Variants in DMXL2 observed in about 807,000 individuals in gnomAD.
DMXL2 encodes Dmx like 2.
In DMXL2, 103 loss-of-function variants were observed where a neutral mutation model predicts 331.1. That is an observed-to-expected ratio of 0.31 (90% confidence interval 0.27 to 0.37). The LOEUF is 0.37. Ranked by LOEUF, DMXL2 falls within the 10% of genes least tolerant of loss-of-function variation. The pLI, the probability that DMXL2 is intolerant of heterozygous loss-of-function variation, is 1.00. For missense variants in DMXL2, 3,171 were observed against 3,642.9 expected (o/e 0.87, Z 3.33); for synonymous variants, 1,281 against 1,252.1 (o/e 1.02, Z -0.49).
chr15:51,458,879 G>T, intron 34 of DMXL2, 84 bp from the exon 35 acceptor site: 2 of 1,168,616 alleles, frequency 1.7e-6, no homozygotes, highest in Non-Finnish European at 2.5e-6. Flanking sequence ...TTAAATGTAG[G>T]ATAAGAAGAA....
At chr15:51,568,202 A>C in intron 3 of DMXL2, 1 of 273,086 alleles carries the variant, frequency 3.7e-6, no homozygotes, top group African/African-American at 2.2e-5. Context: ...GATATCAGAT[A>C]GATATTAGTA....
chr15:51,459,142 C>T (rs1237307047), intron 34 of DMXL2: 2 of 222,898 alleles, frequency 9.0e-6, no homozygotes, highest in East Asian at 2.0e-4. Flanking sequence ...AATGTGTATA[C>T]ATTAAGAGGC....
chr15:51,453,515 T>C (rs2039345850), intron 41 of DMXL2, 35 bp downstream of exon 41: 2 of 1,513,166 alleles, frequency 1.3e-6, no homozygotes, highest in Non-Finnish European at 9.0e-7. Flanking sequence ...TTCTAACGTT[T>C]TTATATTTCT....
intron 29 of DMXL2, 86 bp downstream of exon 29, chr15:51,471,137 C>T: frequency 5.5e-6 from 7 of 1,268,642 alleles, no homozygotes; most frequent in Non-Finnish European, 7.6e-6. Context: ...AAAAGCTACC[C>T]CATCATTCCT....
chr15:51,458,241 G>C (rs911314356), intron 36 of DMXL2, among the ~76,000 whole-genome samples: 12 of 152,188 alleles, frequency 7.9e-5, no homozygotes, highest in Admixed American at 7.9e-4. Flanking sequence ...ATCCAGATCA[G>C]ATTAATTTAC....
intron 42 of DMXL2, among the ~76,000 whole-genome samples, 162 bp downstream of exon 42, chr15:51,451,483 A>C (rs2141183083): frequency 6.6e-6 from 1 of 152,316 alleles, no homozygotes; most frequent in Non-Finnish European, 1.5e-5. Context: ...CAGATATGCT[A>C]ATTAACTTTC....
intron 8 of DMXL2, among the ~76,000 whole-genome samples, chr15:51,543,686 T>A (rs1178775004): frequency 6.6e-6 from 1 of 152,194 alleles, no homozygotes; most frequent in East Asian, 1.9e-4. Context: ...AAGGATAGGA[T>A]GTCAGAAAGC....
chr15:51,479,228 T>C (rs555580570), intron 25 of DMXL2, among the ~76,000 whole-genome samples: 24 of 152,290 alleles, frequency 1.6e-4, no homozygotes, highest in African/African-American at 5.5e-4. Flanking sequence ...TTTAGAAGAA[T>C]GTGCTGCCAG....
intron 6 of DMXL2, among the ~76,000 whole-genome samples, chr15:51,554,051 G>A (rs1415462877): frequency 6.6e-6 from 1 of 152,140 alleles, no homozygotes; most frequent in Non-Finnish European, 1.5e-5. Flanking sequence ...TGCCATTAAC[G>A]ATATTTAAAA....
chr15:51,456,466 C>G (rs2039633975), intron 37 of DMXL2, 97 bp from the exon 38 acceptor site: 5 of 761,936 alleles, frequency 6.6e-6, no homozygotes, highest in South Asian at 5.8e-5. Flanking sequence ...TCTCTTACAC[C>G]TTGCTTATTA....
Position 51,450,153 on chromosome 15 carries a change from T to C in DMXL2, c.8943A>G (p.Thr2981=). The C allele has an allele frequency of 6.2e-7, 1 of 1,614,006 alleles. No homozygotes were observed. Among genetic ancestry groups the C allele is most frequent in the Non-Finnish European group, 8.5e-7 (1 of 1,179,968 alleles). Residue 2981 remains threonine, a synonymous_variant, in exon 43 of 44, where the codon ACA becomes ACG. Coordinates refer to ENST00000560891, the MANE Select transcript of DMXL2 (RefSeq NM_001378457.1). ...ALDPYEEYFT[T]GSAEGNIKVW... ...CCTTTATGTTACCTTCTGCTGAACC[T>C]GTGGTAAAATATTCCTCATAGGGAT...
intron 1 of DMXL2, among the ~76,000 whole-genome samples, chr15:51,597,355 A>G (rs1025377248): frequency 6.6e-6 from 1 of 152,132 alleles, no homozygotes; most frequent in African/African-American, 2.4e-5. Flanking sequence ...GTAGTTTTTC[A>G]ACCTCTGTAT....
chr15:51,557,087 C>G (rs537545445), intron 6 of DMXL2, among the ~76,000 whole-genome samples: 1 of 151,466 alleles, frequency 6.6e-6, no homozygotes, highest in East Asian at 1.9e-4. Flanking sequence ...GGGAGAGTTA[C>G]AAAAGATGAA....
rs1234517463 is a variant in DMXL2 at position 51,447,964 on chromosome 15, T to C, written c.*1020A>G. ...GGTAAACATTTAAACACACAGACAT[T>C]AGTTTCAGTATCTCAACATATTTTT... On this transcript the variant is annotated 3_prime_UTR_variant, in exon 44 of 44. Transcript: ENST00000560891. 6.5e-6 allele frequency: 1 copy of C among 152,672 alleles called. No individual in the cohort carries two copies. The highest frequency in any genetic ancestry group is 1.9e-4 in the East Asian group (1 of 5,204). The allele number at this position is 152,672 out of a possible 1,614,324, so 9.5% of individuals were successfully genotyped here.
At chr15:51,556,906 A>G (rs530295915) in intron 6 of DMXL2, among the ~76,000 whole-genome samples, 57 of 152,348 alleles carry the variant, frequency 3.7e-4, no homozygotes, top group Admixed American at 9.8e-4. Flanking sequence ...AAAAAAAAGT[A>G]TCTACCACAA....
chr15:51,610,275 CA>C (rs1372142176), intron 1 of DMXL2, among the ~76,000 whole-genome samples: 2 of 151,772 alleles, frequency 1.3e-5, no homozygotes, highest in African/African-American at 4.8e-5. Flanking sequence ...ATAAATAAAA[CA>C]AAATTAACAA....
In DMXL2 at chr15:51,493,101, G is replaced by A. The variant is rs1037298448; in HGVS notation, c.4784-1354C>T. On this transcript the variant is annotated intron_variant, in intron 19 of 43. Transcript: ENST00000560891. ...GTCTTGGCTGCCACTATAAATTTAG[G>A]GGAAAACACCAGAAAAAATTAATAA... Among the ~76,000 whole-genome samples the A allele has an allele frequency of 2.6e-5, 4 of 151,954 alleles. No individual in the cohort carries two copies. In the South Asian group the frequency reaches 8.3e-4, roughly 32 times the overall value.
chr15:51,450,319 G>A lies in DMXL2; in HGVS notation c.8777C>T (p.Thr2926Met), dbSNP rs199576620. The A allele has an allele frequency of 1.1e-4, 184 of 1,613,490 alleles. 3 individuals carry two copies. The South Asian group carries it at 1.3e-3, about 12-fold the overall frequency. ...CTGTTTGGGTGCATACTGCAGTACC[G>A]TGGCACCATGATCGTGGCACGTGAA... ...HGFTCHDHGA[T>M]VLQYAPKQQL... Residue 2926 changes from threonine to methionine, a missense_variant, in exon 43 of 44, where the codon ACG (threonine) becomes ATG (methionine). By Grantham distance (81) the Thr-to-Met change is moderately conservative. Coordinates refer to ENST00000560891, the MANE Select transcript of DMXL2 (RefSeq NM_001378457.1).
chr15:51,587,173 CT>C (rs1490993326), intron 1 of DMXL2, among the ~76,000 whole-genome samples: 2 of 151,994 alleles, frequency 1.3e-5, no homozygotes, highest in African/African-American at 2.4e-5. Flanking sequence ...ATAAAAATAA[CT>C]TTTTTTATTA....
Sources: allele counts gnomAD v4.1 joint callset (sites outside exome capture counted in the v4.1 genomes callset), GRCh38; gene constraint gnomAD v4.1.1; transcripts MANE v1.5; gene names NCBI Gene and HGNC (gene_info 2026-07-23, HGNC 2026-07-21).